Variants in ELMO1 observed in about 807,000 individuals in gnomAD.
ELMO1 encodes the protein engulfment and cell motility 1.
Under a neutral mutation model 98.9 loss-of-function variants are expected in ELMO1, and 26 were observed. That is an observed-to-expected ratio of 0.26 (90% CI 0.19 to 0.36). The LOEUF is 0.36. Among genes scored for constraint, ELMO1 ranks in the 10% least tolerant of loss-of-function variants. The pLI, the probability that ELMO1 is intolerant of heterozygous loss-of-function variation, is 1.00. For missense variants in ELMO1, 627 were observed against 935.2 expected (o/e 0.67, Z 4.30); for synonymous variants, 346 against 346.0 (o/e 1.00, Z 0.00).
chr7:37,093,214 A>C (rs1784212644), intron 15 of ELMO1, among the ~76,000 whole-genome samples: 1 of 152,184 alleles, frequency 6.6e-6, no homozygotes. Context: ...AACTGAACAT[A>C]AATATTTGGT....
intron 1 of ELMO1, among the ~76,000 whole-genome samples, chr7:37,350,157 T>C (rs1173855147): frequency 6.6e-6 from 1 of 152,144 alleles, no homozygotes; most frequent in Non-Finnish European, 1.5e-5. Flanking sequence ...AGAGGAAGTT[T>C]GTGGCTTCAG....
chr7:36,905,676 T>C (rs762711739), intron 16 of ELMO1, among the ~76,000 whole-genome samples: 26 of 152,218 alleles, frequency 1.7e-4, no homozygotes, highest in Non-Finnish European at 2.9e-4. Flanking sequence ...AAGGAGTCAG[T>C]GGTCACTGTG....
intron 15 of ELMO1, among the ~76,000 whole-genome samples, chr7:37,039,412 G>A (rs544561137): frequency 7.9e-5 from 12 of 152,220 alleles, no homozygotes; most frequent in African/African-American, 1.7e-4. Context: ...GCTCCTGCTC[G>A]TGGGCAGGGC....
chr7:37,420,133 C>T (rs1804408327), intron 1 of ELMO1, among the ~76,000 whole-genome samples: 1 of 152,186 alleles, frequency 6.6e-6, no homozygotes, highest in South Asian at 2.1e-4. Flanking sequence ...CAGGACGAGT[C>T]TTGTGCTCTC....
chr7:37,323,727 G>A (rs1356153744), intron 2 of ELMO1, among the ~76,000 whole-genome samples: 4 of 152,052 alleles, frequency 2.6e-5, no homozygotes, highest in African/African-American at 7.3e-5. Context: ...TTGGTCTTTT[G>A]CTTTCCTTTC....
intron 13 of ELMO1, among the ~76,000 whole-genome samples, chr7:37,163,773 T>C (rs896713400): frequency 2.0e-5 from 3 of 152,316 alleles, no homozygotes; most frequent in African/African-American, 2.4e-5. Context: ...GTCTTTGCTA[T>C]TGTGAATAGT....
intron 15 of ELMO1, among the ~76,000 whole-genome samples, chr7:37,075,798 A>G (rs1797544585): frequency 6.6e-6 from 1 of 152,204 alleles, no homozygotes; most frequent in Non-Finnish European, 1.5e-5. Context: ...GTGACAGATG[A>G]TGATCACCCT....
intron 16 of ELMO1, among the ~76,000 whole-genome samples, chr7:36,948,420 A>G (rs1001638617): frequency 6.6e-6 from 1 of 152,176 alleles, no homozygotes. Flanking sequence ...CTTGGCATAC[A>G]TTGTCCTTTT....
chr7:36,999,832 G>T (rs1171959485), intron 16 of ELMO1, among the ~76,000 whole-genome samples: 2 of 152,152 alleles, frequency 1.3e-5, no homozygotes, highest in African/African-American at 4.8e-5. Context: ...CCATGCAGGG[G>T]AGCAAAGGCT....
At chr7:37,071,290 G>A (rs1178081024) in intron 15 of ELMO1, among the ~76,000 whole-genome samples, 1 of 152,100 alleles carries the variant, frequency 6.6e-6, no homozygotes, top group African/African-American at 2.4e-5. Flanking sequence ...CCATTTACAT[G>A]AATAGTAGGT....
intron 13 of ELMO1, among the ~76,000 whole-genome samples, chr7:37,193,890 A>G (rs1173318081): frequency 6.6e-6 from 1 of 152,214 alleles, no homozygotes; most frequent in Non-Finnish European, 1.5e-5. Context: ...TCTAGTACAC[A>G]CTTAGAGAAG....
intron 16 of ELMO1, among the ~76,000 whole-genome samples, chr7:36,925,362 T>C (rs1785482180): frequency 6.6e-6 from 1 of 152,196 alleles, no homozygotes; most frequent in African/African-American, 2.4e-5. Context: ...AATCTATACA[T>C]AGCTCCCAGC....
intron 16 of ELMO1, among the ~76,000 whole-genome samples, chr7:36,973,794 C>G (rs947351260): frequency 6.6e-6 from 1 of 152,200 alleles, no homozygotes; most frequent in Non-Finnish European, 1.5e-5. Flanking sequence ...TGCGAGCCAG[C>G]TGGAGTTCCA....
chr7:37,338,834 A>G (rs1457781160), intron 2 of ELMO1, among the ~76,000 whole-genome samples: 2 of 152,192 alleles, frequency 1.3e-5, no homozygotes, highest in Non-Finnish European at 2.9e-5. Flanking sequence ...AATTCTTTTG[A>G]GACCTTCCTG....
intron 15 of ELMO1, among the ~76,000 whole-genome samples, chr7:37,052,455 A>T (rs1483257097): frequency 1.3e-5 from 2 of 152,182 alleles, no homozygotes; most frequent in African/African-American, 2.4e-5. Context: ...CTCTCATCGA[A>T]CCCTTAAGGC....
chr7:37,119,474 G>T (rs1584673980), intron 14 of ELMO1, among the ~76,000 whole-genome samples: 2 of 152,130 alleles, frequency 1.3e-5, no homozygotes, highest in African/African-American at 2.4e-5. Context: ...CATTAGTTAG[G>T]ATCTAAATCA....
At chr7:37,238,829 A>G (rs1794609375) in intron 7 of ELMO1, among the ~76,000 whole-genome samples, 1 of 152,208 alleles carries the variant, frequency 6.6e-6, no homozygotes, top group Admixed American at 6.5e-5. Context: ...TTATTTCATA[A>G]AACACTGAGC....
rs371163161 is a variant in ELMO1 at position 36,931,975 on chromosome 7, T to C, written c.1438-36958A>G. 1.1e-4 allele frequency among the ~76,000 whole-genome samples: 17 copies of C among 152,356 alleles called. No individual in the cohort carries two copies. The South Asian group carries it at 3.1e-3, about 28-fold the overall frequency. On this transcript the variant is annotated intron_variant, in intron 16 of 21. Coordinates refer to ENST00000310758, the MANE Select transcript of ELMO1 (RefSeq NM_014800.11). Reference sequence around the variant, plus strand: ...AATCAGAAAGCTCTGCATAATACATTGTTTCAGGTAACCAGATACTATACA... The same window carrying C: ...AATCAGAAAGCTCTGCATAATACATCGTTTCAGGTAACCAGATACTATACA...
chr7:37,404,416 C>G (rs1803666797), intron 1 of ELMO1, among the ~76,000 whole-genome samples: 1 of 152,218 alleles, frequency 6.6e-6, no homozygotes, highest in Non-Finnish European at 1.5e-5. Flanking sequence ...CCACTCCCCG[C>G]CATTGGCACA....
Sources: gnomAD v4.1 joint callset for allele counts (sites outside exome capture counted in the v4.1 genomes callset) on GRCh38, gnomAD v4.1.1 for gene constraint, MANE v1.5 for transcripts, NCBI Gene and HGNC (gene_info 2026-07-23, HGNC 2026-07-21) for gene names.